PCSK2: variants seen among roughly 807,000 people sequenced by gnomAD.
PCSK2 encodes neuroendocrine convertase 2.
A neutral mutation model predicts 69.7 loss-of-function variants in PCSK2; 14 were observed. The observed-to-expected ratio is 0.20, with a 90% CI of 0.13 to 0.31. The LOEUF (loss-of-function observed/expected upper bound fraction) is 0.31. Ranked by LOEUF, PCSK2 falls within the 10% of genes least tolerant of loss-of-function variation. PCSK2 has a pLI of 1.00. For synonymous variants in PCSK2, 307 were observed against 320.7 expected, an observed-to-expected ratio of 0.96 and a Z score of 0.46; for missense variants, 544 against 842.5, an observed-to-expected ratio of 0.65 and a Z score of 4.39.
chr20:17,401,204 A>G (rs185372891), intron 5 of PCSK2, among the ~76,000 whole-genome samples: 9 of 152,372 alleles, frequency 5.9e-5, no homozygotes, highest in African/African-American at 2.2e-4. Flanking sequence ...CAAGGTAATC[A>G]AGTTTTTTAG....
At chr20:17,236,998 G>A (rs1370379234) in intron 1 of PCSK2, among the ~76,000 whole-genome samples, 3 of 152,124 alleles carry the variant, frequency 2.0e-5, no homozygotes, top group African/African-American at 7.2e-5. Flanking sequence ...ATGATTTCTG[G>A]GCAGTACTGC....
upstream of PCSK2, chr20:17,226,478 A>G (rs1985904333): frequency 6.6e-6 from 1 of 151,698 alleles, no homozygotes; most frequent in Admixed American, 6.6e-5. Context: ...TGTTATTCGG[A>G]TAAGGGGAGG....
At chr20:17,441,627 G>T (rs2032596729) in intron 8 of PCSK2, among the ~76,000 whole-genome samples, 1 of 152,126 alleles carries the variant, frequency 6.6e-6, no homozygotes, top group Non-Finnish European at 1.5e-5. Flanking sequence ...CCTGGTGGCA[G>T]ACAAGAGAAG....
At chr20:17,254,044 C>T (rs1987089016) in intron 1 of PCSK2, among the ~76,000 whole-genome samples, 1 of 152,182 alleles carries the variant, frequency 6.6e-6, no homozygotes, top group South Asian at 2.1e-4. Flanking sequence ...CTAATTTGCA[C>T]ATTTTTAATT....
chr20:17,454,348 T>C (rs1384571381), intron 9 of PCSK2, among the ~76,000 whole-genome samples: 3 of 152,188 alleles, frequency 2.0e-5, no homozygotes, highest in African/African-American at 7.2e-5. Context: ...ACCCATCTGT[T>C]TATTTATAGC....
chr20:17,395,685 C>T (rs1389635805), intron 5 of PCSK2, among the ~76,000 whole-genome samples: 2 of 152,142 alleles, frequency 1.3e-5, no homozygotes, highest in Non-Finnish European at 2.9e-5. Flanking sequence ...ATACATAAAA[C>T]TTATATGTAT....
At chr20:17,440,861 TC>T (rs764656399) in intron 8 of PCSK2, among the ~76,000 whole-genome samples, 6,858 of 103,318 alleles carry the variant, frequency 0.066, 187 homozygotes, top group Middle Eastern at 0.16. Context: ...AAACTCTATC[TC>T]AAAAAAAAAA....
At chr20:17,423,806 G>T (rs1342864742) in intron 6 of PCSK2, among the ~76,000 whole-genome samples, 1 of 152,156 alleles carries the variant, frequency 6.6e-6, no homozygotes, top group African/African-American at 2.4e-5. Context: ...ATGGGCCAAG[G>T]TTATTAACAG....
chr20:17,330,743 G>T (rs1990186293), intron 2 of PCSK2, among the ~76,000 whole-genome samples: 1 of 152,164 alleles, frequency 6.6e-6, no homozygotes, highest in Admixed American at 6.5e-5. Flanking sequence ...AAGTCTACAG[G>T]TGGCCAGGTC....
At chr20:17,262,639 T>C (rs1035962687) in intron 2 of PCSK2, among the ~76,000 whole-genome samples, 2 of 152,160 alleles carry the variant, frequency 1.3e-5, no homozygotes, top group African/African-American at 4.8e-5. Context: ...GCAAAGATAG[T>C]AAACTAAAGA....
At chr20:17,304,887 A>T (rs1408689853) in intron 2 of PCSK2, among the ~76,000 whole-genome samples, 23 of 152,212 alleles carry the variant, frequency 1.5e-4, no homozygotes, top group African/African-American at 5.5e-4. Flanking sequence ...AAGCAATTCC[A>T]CCTGGCCTCC....
chr20:17,413,708 C>T (rs1024487932), intron 6 of PCSK2, among the ~76,000 whole-genome samples: 5 of 152,226 alleles, frequency 3.3e-5, no homozygotes, highest in African/African-American at 1.2e-4. Context: ...GAATTCTCCA[C>T]CCCAAATCAA....
intron 2 of PCSK2, among the ~76,000 whole-genome samples, chr20:17,311,811 T>G (rs1473323810): frequency 1.3e-5 from 2 of 152,170 alleles, no homozygotes; most frequent in African/African-American, 4.8e-5. Flanking sequence ...AACTTGATTT[T>G]ATAGGTTTAG....
At chr20:17,468,858 C>T (rs985771628) in intron 11 of PCSK2, among the ~76,000 whole-genome samples, 9 of 152,258 alleles carry the variant, frequency 5.9e-5, no homozygotes, top group Non-Finnish European at 1.3e-4. Flanking sequence ...AGCATCTTCC[C>T]ATGAGTGAGC....
intron 2 of PCSK2, among the ~76,000 whole-genome samples, chr20:17,291,693 G>A (rs1017322096): frequency 3.9e-5 from 6 of 152,152 alleles, no homozygotes; most frequent in Admixed American, 3.3e-4. Context: ...TTATCAGTTA[G>A]AAATTGTGTT....
At chr20:17,277,914 T>A (rs1988152836) in intron 2 of PCSK2, among the ~76,000 whole-genome samples, 1 of 152,024 alleles carries the variant, frequency 6.6e-6, no homozygotes, top group African/African-American at 2.4e-5. Context: ...GCGAAGGATA[T>A]GAACAGACAC....
At chr20:17,417,234 C>A (rs572673964) in intron 6 of PCSK2, among the ~76,000 whole-genome samples, 3 of 152,140 alleles carry the variant, frequency 2.0e-5, no homozygotes, top group Non-Finnish European at 2.9e-5. Context: ...TTAAATATTT[C>A]ATTTGCAAAC....
chr20:17,259,993 G>A (rs1987316059), intron 1 of PCSK2, among the ~76,000 whole-genome samples: 1 of 152,144 alleles, frequency 6.6e-6, no homozygotes, highest in Non-Finnish European at 1.5e-5. Flanking sequence ...TTAAAAAATG[G>A]GGGAAAGAAT....
At chr20:17,368,763 A>G (rs2030673898) in intron 4 of PCSK2, among the ~76,000 whole-genome samples, 2 of 152,174 alleles carry the variant, frequency 1.3e-5, no homozygotes, top group African/African-American at 2.4e-5. Context: ...CCAACCAGCA[A>G]CACCTCACTG....
Sources: allele counts gnomAD v4.1 joint callset (sites outside exome capture counted in the v4.1 genomes callset), GRCh38; gene constraint gnomAD v4.1.1; transcripts MANE v1.5; gene names NCBI Gene and HGNC (gene_info 2026-07-23, HGNC 2026-07-21).